Variants in SCN2A observed in about 807,000 individuals in gnomAD.
SCN2A encodes the protein sodium channel protein type 2 subunit alpha.
SCN2A carries 20 observed loss-of-function variants against 188.7 expected under a neutral mutation model. The ratio of observed to expected loss-of-function variants is 0.11; its 90% CI spans 0.07 to 0.15. The LOEUF (loss-of-function observed/expected upper bound fraction) is 0.15. Among genes scored for constraint, SCN2A ranks in the 10% least tolerant of loss-of-function variants. SCN2A has a pLI of 1.00. For missense variants in SCN2A, 1,278 were observed against 2,445.0 expected (o/e 0.52, Z 10.07); for synonymous variants, 804 against 833.1 (o/e 0.97, Z 0.60).
rs923193007 is a variant in SCN2A at position 165,282,811 on chromosome 2, A to C, written c.-51-12962A>C. Among the ~76,000 whole-genome samples, 4 of 152,212 alleles carry C rather than the reference A, an allele frequency of 2.6e-5. No homozygotes were observed. In the South Asian group the frequency reaches 8.3e-4, roughly 32 times the overall value. ...GTGAATGATGGTGGCAACTTGAACCAGTGTGCTAATGGTAGAGGAGGTGAG... is the reference window on the plus strand; with the variant it reads ...GTGAATGATGGTGGCAACTTGAACCCGTGTGCTAATGGTAGAGGAGGTGAG... On this transcript the variant is annotated intron_variant, in intron 1 of 26. Coordinates refer to ENST00000375437, the MANE Select transcript of SCN2A (RefSeq NM_001040142.2).
In SCN2A at chr2:165,388,985, G is replaced by A; in HGVS notation, c.5179G>A (p.Gly1727Arg). 1 of 1,614,060 alleles carries A rather than the reference G, an allele frequency of 6.2e-7. No individual in the cohort carries two copies. Among genetic ancestry groups the A allele is most frequent in the African/African-American group, 1.3e-5 (1 of 75,014 alleles). Residue 1727 changes from glycine (G) to arginine (R), a missense_variant, in exon 27 of 27, where the codon GGA becomes AGA. Physicochemically the swap from Gly to Arg is moderately radical, Grantham distance 125. This residue lies in a region of SCN2A where 47 missense variants were observed against 109.0 expected (regional missense o/e 0.43). Coordinates refer to ENST00000375437, the MANE Select transcript of SCN2A (RefSeq NM_001040142.2). ...ATTGCTAGCACCTATTCTTAATAGT[G>A]GACCTCCAGACTGTGACCCTGACAA... ...DGLLAPILNSGPPDCDPDKDH... is the reference protein window; with the variant it reads ...DGLLAPILNSRPPDCDPDKDH...
chr2:165,246,121 A>G (rs1381604647), intron 1 of SCN2A, among the ~76,000 whole-genome samples: 1 of 152,204 alleles, frequency 6.6e-6, no homozygotes, highest in African/African-American at 2.4e-5. Flanking sequence ...CTATTCAAAT[A>G]TAAAAGCAAA....
chr2:165,368,731 T>A (rs1007588489), intron 19 of SCN2A, among the ~76,000 whole-genome samples: 1 of 152,210 alleles, frequency 6.6e-6, no homozygotes, highest in Non-Finnish European at 1.5e-5. Flanking sequence ...TAATTGGTGA[T>A]ACAAATGTGG....
chr2:165,331,914 TA>T (rs1698705154), intron 14 of SCN2A, among the ~76,000 whole-genome samples: 1 of 152,112 alleles, frequency 6.6e-6, no homozygotes, highest in African/African-American at 2.4e-5. Context: ...AAACAAATGA[TA>T]AAATATGCCC....
At chr2:165,248,079 T>G (rs536992144) in intron 1 of SCN2A, among the ~76,000 whole-genome samples, 1 of 152,306 alleles carries the variant, frequency 6.6e-6, no homozygotes, top group African/African-American at 2.4e-5. Context: ...GCTGCCACCT[T>G]CACACTGCTA....
chr2:165,327,007 C>A (rs1335917208), intron 13 of SCN2A, 23 bp downstream of exon 13: 1 of 1,613,520 alleles, frequency 6.2e-7, no homozygotes, highest in Admixed American at 1.7e-5. Flanking sequence ...TCCTGCGTCA[C>A]AGTTACTTGG....
At chr2:165,273,884 A>G (rs1024167681) in intron 1 of SCN2A, 3 of 152,096 alleles carry the variant, frequency 2.0e-5, no homozygotes, top group South Asian at 2.1e-4. Context: ...GGAGACGGTA[A>G]GTTTTTCTGA....
intron 19 of SCN2A, among the ~76,000 whole-genome samples, chr2:165,367,671 A>T (rs1369691242): frequency 6.6e-6 from 1 of 152,194 alleles, no homozygotes; most frequent in Non-Finnish European, 1.5e-5. Context: ...TGTAGACATG[A>T]TGTAGGATTA....
chr2:165,388,584 CT>C, intron 26 of SCN2A, 44 bp from the exon 27 acceptor site: 1 of 1,612,220 alleles, frequency 6.2e-7, no homozygotes, highest in South Asian at 1.1e-5. Flanking sequence ...TCATTTGCTA[CT>C]ATTAAGTATA....
In SCN2A at chr2:165,374,768, T is replaced by C. The variant is rs764921287; in HGVS notation, c.4056T>C (p.Ser1352=). The change falls in exon 22 of 27, where the codon AGT becomes AGC. Residue 1352 remains serine (S), a synonymous_variant. Transcript: ENST00000375437. The part of the protein sequence containing the change: ...LVCLIFWLIF[S]IMGVNLFAGK... Reference sequence around the variant, plus strand: ...GTCTGATCTTTTGGCTAATATTCAGTATCATGGGAGTGAATCTCTTTGCTG... The same window carrying C: ...GTCTGATCTTTTGGCTAATATTCAGCATCATGGGAGTGAATCTCTTTGCTG... 1.2e-6 allele frequency: 2 copies of C among 1,613,406 alleles called. No individual in the cohort carries two copies. Among genetic ancestry groups the C allele is most frequent in the African/African-American group, 2.7e-5 (2 of 74,886 alleles).
intron 12 of SCN2A, among the ~76,000 whole-genome samples, chr2:165,324,049 G>C (rs1236192033): frequency 1.3e-5 from 2 of 152,126 alleles, no homozygotes; most frequent in East Asian, 3.9e-4. Flanking sequence ...CATTCAAAAA[G>C]TACCTGGTTT....
chr2:165,259,001 G>C (rs191961436), intron 1 of SCN2A, among the ~76,000 whole-genome samples: 1 of 152,176 alleles, frequency 6.6e-6, no homozygotes, highest in African/African-American at 2.4e-5. Flanking sequence ...CTTATTGCCT[G>C]GATGGCAAAA....
At chr2:165,280,732 G>A (rs1019323601) in intron 1 of SCN2A, among the ~76,000 whole-genome samples, 1 of 152,082 alleles carries the variant, frequency 6.6e-6, no homozygotes, top group Non-Finnish European at 1.5e-5. Flanking sequence ...TTACACCTTA[G>A]CTTGGCTCCT....
chr2:165,295,666 A>G (rs909713667), intron 1 of SCN2A, 107 bp from the exon 2 acceptor site: 55 of 993,788 alleles, frequency 5.5e-5, no homozygotes, highest in Middle Eastern at 3.1e-4. Context: ...AAAATATTAT[A>G]GCTATCTGAG....
At chr2:165,375,714 G>A (rs1701274427) in intron 22 of SCN2A, among the ~76,000 whole-genome samples, 1 of 151,840 alleles carries the variant, frequency 6.6e-6, no homozygotes, top group African/African-American at 2.4e-5. Context: ...AAAATAGTAT[G>A]TTCAACAATA....
intron 1 of SCN2A, among the ~76,000 whole-genome samples, chr2:165,256,621 T>A (rs1229034833): frequency 7.9e-5 from 12 of 152,234 alleles, no homozygotes; most frequent in Non-Finnish European, 1.6e-4. Flanking sequence ...ACTGAACTTA[T>A]GAATTTAACT....
intron 12 of SCN2A, among the ~76,000 whole-genome samples, chr2:165,326,029 T>C (rs922727536): frequency 6.6e-6 from 1 of 152,214 alleles, no homozygotes; most frequent in African/African-American, 2.4e-5. Flanking sequence ...TAATTTATTA[T>C]TAACACTCAG....
intron 25 of SCN2A, among the ~76,000 whole-genome samples, chr2:165,384,795 G>A (rs1412216316): frequency 1.3e-5 from 2 of 152,146 alleles, no homozygotes; most frequent in Non-Finnish European, 2.9e-5. Context: ...GAATTCATGA[G>A]ACAGAGAAGG....
chr2:165,362,523 A>G (rs570560955), intron 17 of SCN2A, among the ~76,000 whole-genome samples: 1 of 152,198 alleles, frequency 6.6e-6, no homozygotes, highest in African/African-American at 2.4e-5. Flanking sequence ...TGCTAATTTG[A>G]ACAGGCTATT....
Sources: gnomAD v4.1 joint callset for allele counts (sites outside exome capture counted in the v4.1 genomes callset) on GRCh38, gnomAD v4.1.1 for gene constraint, gnomAD v4.1.1 regional missense constraint, MANE v1.5 for transcripts, NCBI Gene and HGNC (gene_info 2026-07-23, HGNC 2026-07-21) for gene names.